The following ARHGEF4 variants were observed in gnomAD, a reference collection of about 807,000 sequenced individuals.
ARHGEF4 encodes Rho guanine nucleotide exchange factor 4.
In ARHGEF4, 119 loss-of-function variants were observed where a neutral mutation model predicts 162.0. The ratio of observed to expected loss-of-function variants is 0.73; its 90% confidence interval spans 0.63 to 0.86. The LOEUF (loss-of-function observed/expected upper bound fraction) is 0.86. Ranked by LOEUF, ARHGEF4 falls within the 40% of genes least tolerant of loss-of-function variation. The pLI, the probability that ARHGEF4 is intolerant of heterozygous loss-of-function variation, is 0.00. For synonymous variants in ARHGEF4, 1,014 were observed against 979.9 expected, an observed-to-expected ratio of 1.03 and a Z score of -0.65; for missense variants, 2,488 against 2,456.0, an observed-to-expected ratio of 1.01 and a Z score of -0.28.
chr2:130,902,162 C>G (rs1330395045), intron 1 of ARHGEF4, among the ~76,000 whole-genome samples: 2 of 152,166 alleles, frequency 1.3e-5, no homozygotes, highest in Non-Finnish European at 2.9e-5. Flanking sequence ...TCCATTTTGT[C>G]ACTTAGTCAC....
At chr2:130,953,509 G>A (rs1275551660) in intron 4 of ARHGEF4, among the ~76,000 whole-genome samples, 1 of 152,162 alleles carries the variant, frequency 6.6e-6, no homozygotes, top group Non-Finnish European at 1.5e-5. Context: ...AGGACTTCAT[G>A]ACTAAAACAC....
intron 5 of ARHGEF4, chr2:131,034,897 C>T (rs1690125577): frequency 1.6e-5 from 14 of 850,034 alleles, no homozygotes; most frequent in Non-Finnish European, 2.0e-5. Context: ...CCGCCCCCGC[C>T]CGCACAGCCG....
intron 4 of ARHGEF4, among the ~76,000 whole-genome samples, chr2:131,018,382 T>C (rs370968469): frequency 2.6e-4 from 39 of 152,254 alleles, no homozygotes; most frequent in African/African-American, 9.1e-4. Context: ...TATGTCTTCT[T>C]TGAAGAAATG....
chr2:130,967,931 G>A (rs1685105608), intron 4 of ARHGEF4, among the ~76,000 whole-genome samples: 1 of 152,296 alleles, frequency 6.6e-6, no homozygotes, highest in Non-Finnish European at 1.5e-5. Context: ...CAGTCACTCT[G>A]CCTCAATATG....
At chr2:130,970,116 T>C (rs80260098) in intron 4 of ARHGEF4, among the ~76,000 whole-genome samples, 7 of 152,212 alleles carry the variant, frequency 4.6e-5, no homozygotes, top group Non-Finnish European at 8.8e-5. Context: ...TGTGAGTCTT[T>C]GTATGTACGT....
intron 4 of ARHGEF4, among the ~76,000 whole-genome samples, chr2:130,947,712 A>G (rs143807874): frequency 2.0e-5 from 3 of 152,290 alleles, no homozygotes; most frequent in Non-Finnish European, 4.4e-5. Flanking sequence ...CGCAGGTGAG[A>G]GCCAGGATGG....
At chr2:131,040,590 C>G in intron 8 of ARHGEF4, 150 bp downstream of exon 8, 1 of 948,044 alleles carries the variant, frequency 1.1e-6, no homozygotes, top group Middle Eastern at 3.4e-4. Flanking sequence ...TGCCCGCACC[C>G]TTCAGGACAG....
rs1190991588 is a variant in ARHGEF4 at position 131,044,319 on chromosome 2, G to T, written c.5178G>T (p.Val1726=). The T allele has an allele frequency of 6.2e-6, 10 of 1,610,762 alleles. No individual in the cohort carries two copies. The highest frequency in any genetic ancestry group is 8.5e-6 in the Non-Finnish European group (10 of 1,179,036). ...YCKKDLLRRD[V]LYYKGRLDMD... is the part of the protein sequence containing the mutation. ...GGCAGGACCTGCTCCGCCGCGACGT[G>T]TTGTACTACAAGGGCCGGCTGGACA... Residue 1726 remains valine, a synonymous_variant, in exon 12 of 14, where the codon GTG becomes GTT. Coordinates refer to ENST00000409359, the MANE Select transcript of ARHGEF4 (RefSeq NM_001367493.1).
intron 4 of ARHGEF4, among the ~76,000 whole-genome samples, chr2:131,005,470 A>G (rs1443357965): frequency 1.3e-5 from 2 of 152,108 alleles, no homozygotes; most frequent in African/African-American, 2.4e-5. Context: ...TTCTCCTGAC[A>G]TGGGAGACTG....
At chr2:131,022,291 T>G (rs1053137002) in intron 4 of ARHGEF4, among the ~76,000 whole-genome samples, 2 of 152,184 alleles carry the variant, frequency 1.3e-5, no homozygotes, top group Non-Finnish European at 2.9e-5. Context: ...GGCCCTGGGC[T>G]TTTCTTTATT....
chr2:131,045,274 A>G, intron 12 of ARHGEF4, 95 bp from the exon 13 acceptor site: 1 of 1,199,320 alleles, frequency 8.3e-7, no homozygotes, highest in Non-Finnish European at 1.2e-6. Flanking sequence ...CCAGTACATG[A>G]TGAGACCCTG....
At chr2:130,898,297 A>G (rs916231526) in intron 1 of ARHGEF4, among the ~76,000 whole-genome samples, 1 of 152,182 alleles carries the variant, frequency 6.6e-6, no homozygotes, top group African/African-American at 2.4e-5. Context: ...CACAGGCACC[A>G]TTTCAAATCC....
chr2:130,888,396 C>T (rs891611722), intron 1 of ARHGEF4, among the ~76,000 whole-genome samples: 1 of 150,252 alleles, frequency 6.7e-6, no homozygotes, highest in Non-Finnish European at 1.5e-5. Context: ...ACCTGAACAC[C>T]GGAGTTGGTG....
At chr2:131,036,644 G>A (rs1690307963) in intron 5 of ARHGEF4, among the ~76,000 whole-genome samples, 1 of 152,194 alleles carries the variant, frequency 6.6e-6, no homozygotes, top group Non-Finnish European at 1.5e-5. Flanking sequence ...GGGAATGGGG[G>A]CACCAGGCTT....
intron 1 of ARHGEF4, among the ~76,000 whole-genome samples, chr2:130,864,337 G>C (rs914381087): frequency 6.6e-6 from 1 of 151,290 alleles, no homozygotes. Flanking sequence ...CCCAGGATCA[G>C]CAGGTCTATA....
At chr2:130,848,321 G>T (rs1301799783) in intron 1 of ARHGEF4, among the ~76,000 whole-genome samples, 3 of 152,204 alleles carry the variant, frequency 2.0e-5, no homozygotes, top group African/African-American at 7.2e-5. Flanking sequence ...CGACCCCAAG[G>T]CCAGTGTTTT....
At chr2:130,930,156 A>G (rs553978300) in intron 2 of ARHGEF4, among the ~76,000 whole-genome samples, 2 of 152,250 alleles carry the variant, frequency 1.3e-5, no homozygotes, top group South Asian at 4.1e-4. Flanking sequence ...GCCTCCCAAC[A>G]GCATAGATAC....
chr2:130,988,005 C>T (rs909892698), intron 4 of ARHGEF4, among the ~76,000 whole-genome samples: 1 of 152,070 alleles, frequency 6.6e-6, no homozygotes, highest in Non-Finnish European at 1.5e-5. Flanking sequence ...ACTTCTCATC[C>T]GTAAAATCAG....
chr2:130,961,215 A>C (rs1442069167), intron 4 of ARHGEF4, among the ~76,000 whole-genome samples: 1 of 152,222 alleles, frequency 6.6e-6, no homozygotes, highest in Non-Finnish European at 1.5e-5. Context: ...CTCCCTGGAC[A>C]CAGTGATGGG....
Sources: allele counts gnomAD v4.1 joint callset (sites outside exome capture counted in the v4.1 genomes callset), GRCh38; gene constraint gnomAD v4.1.1; transcripts MANE v1.5; gene names NCBI Gene and HGNC (gene_info 2026-07-23, HGNC 2026-07-21).